Variants in HDAC4 observed in about 807,000 individuals in gnomAD.
HDAC4 encodes histone deacetylase A.
HDAC4 carries 16 observed loss-of-function variants against 135.1 expected under a neutral mutation model. The observed-to-expected ratio is 0.12, with a 90% confidence interval of 0.08 to 0.18. The LOEUF (loss-of-function observed/expected upper bound fraction) is 0.18, where lower values mean the gene tolerates loss of function less well. HDAC4 is among the 10% of genes least tolerant of loss of function. The probability of loss-of-function intolerance (pLI) is 1.00; values close to 1 mark genes in which losing one functional copy is unlikely to be tolerated. For synonymous variants in HDAC4, 685 were observed against 653.4 expected (o/e 1.05, Z -0.74); for missense variants, 1,143 against 1,511.8 (o/e 0.76, Z 4.05).
rs147758350 is a variant in HDAC4 at position 239,108,369 on chromosome 2, G to C, written c.1979-186C>G. On this transcript the variant is annotated intron_variant, in intron 14 of 26. Transcript: ENST00000543185. ...TGACTGGCCAGGCCCAGAGAACGTG[G>C]ACGAATGCAGAGGCCAGGCGGGTGG... Among the ~76,000 whole-genome samples, 10 of 152,326 alleles carry C rather than the reference G, an allele frequency of 6.6e-5. No homozygotes were observed. The South Asian group carries it at 1.4e-3, about 22-fold the overall frequency.
intron 2 of HDAC4, among the ~76,000 whole-genome samples, chr2:239,278,294 G>A (rs966751046): frequency 3.9e-5 from 6 of 151,906 alleles, no homozygotes; most frequent in African/African-American, 1.5e-4. Flanking sequence ...CCACCAACCA[G>A]TATTTTCTAC....
intron 3 of HDAC4, among the ~76,000 whole-genome samples, chr2:239,202,124 C>G (rs2045792721): frequency 6.6e-6 from 1 of 152,160 alleles, no homozygotes; most frequent in South Asian, 2.1e-4. Context: ...TGCTGGAGGG[C>G]TGGCTGTCTC....
intron 3 of HDAC4, among the ~76,000 whole-genome samples, chr2:239,209,845 G>T (rs2046264606): frequency 6.6e-6 from 1 of 152,148 alleles, no homozygotes; most frequent in Admixed American, 6.5e-5. Context: ...TGAATGGGTT[G>T]GTCACAGAAG....
chr2:239,242,265 A>G (rs2048231606), intron 2 of HDAC4, among the ~76,000 whole-genome samples: 1 of 146,890 alleles, frequency 6.8e-6, no homozygotes. Context: ...AGGGAAACGA[A>G]CAGTGCCTGG....
intron 4 of HDAC4, among the ~76,000 whole-genome samples, chr2:239,184,869 A>G: frequency 7.1e-5 from 4 of 56,122 alleles, no homozygotes; most frequent in Non-Finnish European, 1.3e-4. Context: ...GCCCTGGAGG[A>G]TGTATCCTAT....
At chr2:239,147,968 CG>C (rs766576807) in intron 7 of HDAC4, among the ~76,000 whole-genome samples, 1 of 152,210 alleles carries the variant, frequency 6.6e-6, no homozygotes. Context: ...CTCTCAGAGC[CG>C]GAACGCTTTA....
rs2290088 is a variant in HDAC4, at chr2:239,144,830, T to C, written c.734-116A>G. The C allele has an allele frequency of 0.75, 772,592 of 1,035,740 alleles. 292,324 individuals are homozygous for C. Among genetic ancestry groups the C allele is most frequent in the South Asian group, 0.92 (69,671 of 76,116 alleles). The allele number at this position is 1,035,740 out of a possible 1,614,324, so 64.2% of individuals were successfully genotyped here. A position where few individuals can be genotyped will look rare whatever the true frequency, so the allele number is the denominator to read the frequency against. The stretch of plus-strand genomic sequence containing the variant: ...TGAGTAAATATTTGCTCAACACTGC[T>C]GTGTTGCTGCAGGGGAGAGCGCAGG... On this transcript the variant is annotated intron_variant, in intron 7 of 26. Coordinates refer to ENST00000543185, the MANE Select transcript of HDAC4 (RefSeq NM_001378414.1).
rs769112400 is a variant in HDAC4, at chr2:239,236,581, G to A, written c.94+12C>T. Reference sequence around the variant, plus strand: ...AGGGCCGGCCGGACAGGGCAGGGGTGGGCGGACTTACCCGTGCTGGGCATG... The same window carrying A: ...AGGGCCGGCCGGACAGGGCAGGGGTAGGCGGACTTACCCGTGCTGGGCATG... On this transcript the variant is annotated intron_variant, in intron 3 of 26. Coordinates refer to ENST00000543185, the MANE Select transcript of HDAC4 (RefSeq NM_001378414.1). 11 of 1,549,540 alleles carry A rather than the reference G, an allele frequency of 7.1e-6. No individual in the cohort carries two copies. The highest frequency in any genetic ancestry group is 8.7e-6 in the Non-Finnish European group (10 of 1,145,016).
At chr2:239,298,636 CTT>C in intron 2 of HDAC4, 1 of 988,924 alleles carries the variant, frequency 1.0e-6, no homozygotes, top group South Asian at 4.6e-5. Flanking sequence ...GCCTGCCACT[CTT>C]TACAGAGCCG....
At chr2:239,230,176 C>T (rs146329137) in intron 3 of HDAC4, among the ~76,000 whole-genome samples, 1 of 151,960 alleles carries the variant, frequency 6.6e-6, no homozygotes, top group South Asian at 2.1e-4. Flanking sequence ...GAGGCCTGTC[C>T]AACCCCCCAT....
At chr2:239,075,645 G>A (rs1405013927) in intron 22 of HDAC4, among the ~76,000 whole-genome samples, 3 of 152,230 alleles carry the variant, frequency 2.0e-5, no homozygotes, top group Non-Finnish European at 2.9e-5. Context: ...ATTTAGGGAG[G>A]TCCCGTGTGA....
rs558286677 is a variant in HDAC4, at chr2:239,367,860, G to A, written c.-219-14942C>T. Among the ~76,000 whole-genome samples the A allele has an allele frequency of 2.6e-5, 4 of 152,106 alleles. No homozygotes were observed. The South Asian group carries it at 6.2e-4, about 24-fold the overall frequency. ...ATAGTGGTGTATGTCTGTAATTCCAGCTACTCGGGAGGGAGGCTGAGGCAG... is the reference window on the plus strand; with the variant it reads ...ATAGTGGTGTATGTCTGTAATTCCAACTACTCGGGAGGGAGGCTGAGGCAG... On this transcript the variant is annotated intron_variant, in intron 1 of 26. Transcript: ENST00000543185.
intron 5 of HDAC4, among the ~76,000 whole-genome samples, chr2:239,173,966 GA>G (rs1388646865): frequency 6.6e-6 from 1 of 152,022 alleles, no homozygotes; most frequent in African/African-American, 2.4e-5. Context: ...AAATTATTAA[GA>G]AAAATTAAAG....
intron 2 of HDAC4, among the ~76,000 whole-genome samples, chr2:239,345,376 C>T (rs755880548): frequency 2.0e-5 from 3 of 152,012 alleles, no homozygotes; most frequent in African/African-American, 4.8e-5. Flanking sequence ...TGGTGAGATT[C>T]GGTCTCCACA....
At chr2:239,169,124 A>C (rs1323198914) in intron 5 of HDAC4, among the ~76,000 whole-genome samples, 1 of 152,232 alleles carries the variant, frequency 6.6e-6, no homozygotes, top group Non-Finnish European at 1.5e-5. Context: ...GCTGCTTTTT[A>C]GCAATCTGAA....
At chr2:239,297,112 G>C (rs909394595) in intron 2 of HDAC4, among the ~76,000 whole-genome samples, 6 of 152,146 alleles carry the variant, frequency 3.9e-5, no homozygotes, top group Admixed American at 3.3e-4. Flanking sequence ...CAGGGGCACG[G>C]GTGGCTCCCC....
At chr2:239,101,113 A>C (rs1575027705) in intron 16 of HDAC4, among the ~76,000 whole-genome samples, 1 of 152,018 alleles carries the variant, frequency 6.6e-6, no homozygotes, top group Non-Finnish European at 1.5e-5. Context: ...CACCTCGTGA[A>C]CCTGCTCAGC....
At chr2:239,087,957 C>T (rs1418409200) in intron 18 of HDAC4, among the ~76,000 whole-genome samples, 2 of 152,192 alleles carry the variant, frequency 1.3e-5, no homozygotes, top group African/African-American at 2.4e-5. Flanking sequence ...GTGCTCACTC[C>T]CCGTCGGCTC....
chr2:239,401,315 G>C (rs1696981874), upstream of HDAC4: 1 of 152,766 alleles, frequency 6.5e-6, no homozygotes, highest in Non-Finnish European at 1.5e-5. Context: ...ATGAGCGGCA[G>C]AGAGGCTCCA....
Sources: gnomAD v4.1 joint callset for allele counts (sites outside exome capture counted in the v4.1 genomes callset) on GRCh38, gnomAD v4.1.1 for gene constraint, MANE v1.5 for transcripts, NCBI Gene and HGNC (gene_info 2026-07-23, HGNC 2026-07-21) for gene names.